Variants in FREM1 observed in about 807,000 individuals in gnomAD.
The protein encoded by FREM1 is FRAS1-related extracellular matrix protein 1.
A neutral mutation model predicts 210.1 loss-of-function variants in FREM1; 220 were observed. The observed-to-expected ratio is 1.05, with a 90% CI of 0.94 to 1.17. The LOEUF (loss-of-function observed/expected upper bound fraction) is 1.17, where lower values mean the gene tolerates loss of function less well. Among genes scored for constraint, FREM1 ranks in the 50% most tolerant of loss-of-function variants. The pLI is 0.00. For missense variants in FREM1, 3,454 were observed against 2,675.5 expected (o/e 1.29, Z -6.42); for synonymous variants, 1,189 against 980.2 (o/e 1.21, Z -3.98).
At chr9:14,866,268 T>C (rs1232917965) in intron 2 of FREM1, among the ~76,000 whole-genome samples, 2 of 152,208 alleles carry the variant, frequency 1.3e-5, no homozygotes. Flanking sequence ...TTCCAATCCT[T>C]GATTCTTGTG....
In FREM1 at chr9:14,816,817, G is replaced by T; in HGVS notation, c.2601C>A (p.Thr867=). The change falls in exon 15 of 37, where the codon ACC becomes ACA. Residue 867 remains threonine, a synonymous_variant. Coordinates refer to ENST00000380880, the MANE Select transcript of FREM1 (RefSeq NM_001379081.2). ...VLQDDLLLEV[T]DGTNSAEFVL... ...CAAATTCTGCTGAATTTGTGCCATC[G>T]GTGACCTCCAAGAGTAGGTCATCCT... 6.9e-7 allele frequency: 1 copy of T among 1,439,512 alleles called. No individual in the cohort carries two copies. The highest frequency in any genetic ancestry group is 9.4e-7 in the Non-Finnish European group (1 of 1,068,608). The allele number at this position is 1,439,512 out of a possible 1,614,324, so 89.2% of individuals were successfully genotyped here.
intron 17 of FREM1, 103 bp from the exon 18 acceptor site, chr9:14,806,949 CCA>C (rs1563974695): frequency 8.2e-6 from 5 of 611,044 alleles, no homozygotes; most frequent in Non-Finnish European, 1.3e-5. Flanking sequence ...GAGAAGCCTC[CCA>C]CGTGCAAAAA....
chr9:14,801,004 G>GT (rs1163052545), intron 20 of FREM1, among the ~76,000 whole-genome samples: 1 of 152,088 alleles, frequency 6.6e-6, no homozygotes, highest in African/African-American at 2.4e-5. Context: ...TTGTTTGTTT[G>GT]TTTTTTGACA....
In FREM1 at chr9:14,841,597, G is replaced by A; in HGVS notation, c.1739-8C>T. Reference sequence around the variant, plus strand: ...AGCCATGGACAGGATAGCCTATTGGGTCCATAAAACACCACATACTTTTGT... The same window carrying A: ...AGCCATGGACAGGATAGCCTATTGGATCCATAAAACACCACATACTTTTGT... On this transcript the variant is annotated splice_polypyrimidine_tract_variant and splice_region_variant and intron_variant, in intron 9 of 36. Transcript: ENST00000380880. 6.4e-7 allele frequency: 1 copy of A among 1,571,558 alleles called. No homozygotes were observed. Among genetic ancestry groups the A allele is most frequent in the Non-Finnish European group, 8.7e-7 (1 of 1,153,432 alleles).
At chr9:14,851,223 G>A (rs1827680415) in intron 6 of FREM1, 61 bp downstream of exon 6, 1 of 1,210,768 alleles carries the variant, frequency 8.3e-7, no homozygotes, top group South Asian at 1.5e-5. Flanking sequence ...TTTAGGGTAG[G>A]GGGTTCTTAA....
At chr9:14,862,146 C>T (rs867734574) in intron 3 of FREM1, among the ~76,000 whole-genome samples, 2 of 152,186 alleles carry the variant, frequency 1.3e-5, no homozygotes, top group African/African-American at 4.8e-5. Flanking sequence ...TCTCTTTTGG[C>T]GCTTGTTCTG....
At chr9:14,899,400 G>A (rs896955985) in intron 1 of FREM1, among the ~76,000 whole-genome samples, 4 of 152,232 alleles carry the variant, frequency 2.6e-5, no homozygotes, top group Admixed American at 6.5e-5. Context: ...GGCCTGTGGA[G>A]AATGCAGGTG....
intron 1 of FREM1, among the ~76,000 whole-genome samples, chr9:14,900,841 A>T (rs1309933520): frequency 6.6e-6 from 1 of 152,216 alleles, no homozygotes; most frequent in Non-Finnish European, 1.5e-5. Flanking sequence ...TGGAAATCAC[A>T]GGCTATGGGA....
intron 28 of FREM1, among the ~76,000 whole-genome samples, chr9:14,759,001 G>A (rs1844941237): frequency 6.6e-6 from 1 of 152,114 alleles, no homozygotes; most frequent in Non-Finnish European, 1.5e-5. Context: ...TGAGCCCATG[G>A]GAAGTGACTG....
intron 1 of FREM1, among the ~76,000 whole-genome samples, chr9:14,884,250 G>GA (rs904292384): frequency 6.6e-5 from 10 of 151,736 alleles, no homozygotes; most frequent in African/African-American, 1.9e-4. Context: ...AAGAAAAAAA[G>GA]AAAAAAAACA....
intron 28 of FREM1, among the ~76,000 whole-genome samples, chr9:14,759,558 A>T (rs1028113573): frequency 1.7e-5 from 2 of 119,778 alleles, no homozygotes; most frequent in African/African-American, 2.9e-5. Flanking sequence ...CTTCAGCAAC[A>T]CGTACACTAA....
At chr9:14,853,668 G>A (rs1234805599) in intron 5 of FREM1, among the ~76,000 whole-genome samples, 1 of 152,146 alleles carries the variant, frequency 6.6e-6, no homozygotes, top group Non-Finnish European at 1.5e-5. Flanking sequence ...AATGCCCAGA[G>A]AAAAGAGAAT....
At chr9:14,873,516 T>G (rs142589840) in intron 1 of FREM1, among the ~76,000 whole-genome samples, 1,535 of 152,090 alleles carry the variant, frequency 0.01, 27 homozygotes, top group African/African-American at 0.034. Flanking sequence ...GGTGGTGATA[T>G]CCACAATATC....
rs545525219 is a variant in FREM1 at position 14,749,325 on chromosome 9, T to C, written c.5558-686A>G. On this transcript the variant is annotated intron_variant, in intron 30 of 36. Transcript: ENST00000380880. ...GGTGAGGAAAGGTAGTGGGGAGAGA[T>C]GTTGCAGAAACAAGGATATTATAAA... Among the ~76,000 whole-genome samples, 61 of 152,128 alleles carry C rather than the reference T, an allele frequency of 4.0e-4. 1 individual carries two copies. The South Asian group carries it at 0.013, about 31-fold the overall frequency.
chr9:14,847,783 G>A (rs1410858245), intron 7 of FREM1, among the ~76,000 whole-genome samples: 2 of 151,926 alleles, frequency 1.3e-5, no homozygotes, highest in East Asian at 1.9e-4. Context: ...ACACATACAC[G>A]TACAGACTAT....
Position 14,773,872 on chromosome 9 carries a change from C to T in FREM1, c.4857+1917G>A, listed in dbSNP as rs1018877398. 8.6e-5 allele frequency among the ~76,000 whole-genome samples: 13 copies of T among 151,926 alleles called. 1 individual carries two copies. The highest frequency in any genetic ancestry group is 2.6e-4 in the Admixed American group (4 of 15,250). On this transcript the variant is annotated intron_variant, in intron 25 of 36. Coordinates refer to ENST00000380880, the MANE Select transcript of FREM1 (RefSeq NM_001379081.2). ...ACATCTGCACTCAGAATTTAGAATT[C>T]GTATGAATTTGCAGCCAAAGAGACC...
intron 18 of FREM1, 128 bp from the exon 19 acceptor site, chr9:14,805,280 AG>A (rs376829372): frequency 9.5e-5 from 48 of 503,356 alleles, no homozygotes; most frequent in African/African-American, 9.2e-4. Context: ...AGTTGACCTA[AG>A]TATCTTGCTA....
chr9:14,868,915 G>C lies in FREM1; in HGVS notation c.63C>G (p.Ala21=). Residue 21 remains alanine (A), a synonymous_variant, in exon 2 of 37, where the codon GCC becomes GCG. Transcript: ENST00000380880. The part of the protein sequence containing the change: ...AVLLLLLLAW[A]SPTFISINRG... ...GGTTGATGCTGATGAAGGTGGGGCT[G>C]GCCCAGGCCAGGAGGAGCAGCAGCA... The C allele has an allele frequency of 6.2e-7, 1 of 1,604,970 alleles. No individual in the cohort carries two copies. The highest frequency in any genetic ancestry group is 8.5e-7 in the Non-Finnish European group (1 of 1,176,374).
At chr9:14,769,150 T>G (rs1847050980) in intron 27 of FREM1, among the ~76,000 whole-genome samples, 1 of 152,206 alleles carries the variant, frequency 6.6e-6, no homozygotes, top group Non-Finnish European at 1.5e-5. Flanking sequence ...ACTCTTGCTA[T>G]TTTGAGGGTC....
Sources: gnomAD v4.1 joint callset for allele counts (sites outside exome capture counted in the v4.1 genomes callset) on GRCh38, gnomAD v4.1.1 for gene constraint, MANE v1.5 for transcripts, NCBI Gene and HGNC (gene_info 2026-07-23, HGNC 2026-07-21) for gene names.